Variants in MGAT5 observed in about 807,000 individuals in gnomAD.
MGAT5 encodes alpha-1,6-mannosylglycoprotein 6-beta-N-acetylglucosaminyltransferase A.
A neutral mutation model predicts 94.3 loss-of-function variants in MGAT5; 30 were observed. The ratio of observed to expected loss-of-function variants is 0.32; its 90% CI spans 0.24 to 0.43. The LOEUF (loss-of-function observed/expected upper bound fraction) is 0.43. Among genes scored for constraint, MGAT5 ranks in the 20% least tolerant of loss-of-function variants. MGAT5 has a pLI of 1.00. For synonymous variants in MGAT5, 310 were observed against 322.9 expected (o/e 0.96, Z 0.43); for missense variants, 691 against 905.5 (o/e 0.76, Z 3.04).
intron 1 of MGAT5, among the ~76,000 whole-genome samples, chr2:134,207,895 C>A (rs1267292397): frequency 5.3e-5 from 8 of 152,200 alleles, no homozygotes; most frequent in South Asian, 4.1e-4. Context: ...ACTCTGATAC[C>A]TTGTTGGTTT....
chr2:134,253,473 A>T (rs78138130), upstream of MGAT5, among the ~76,000 whole-genome samples: 1,972 of 152,314 alleles, frequency 0.013, 20 homozygotes, highest in East Asian at 0.028. Flanking sequence ...TGGCTGCATT[A>T]ATATTGAAAC....
intron 15 of MGAT5, among the ~76,000 whole-genome samples, chr2:134,442,178 G>C (rs1452317730): frequency 6.6e-6 from 1 of 152,172 alleles, no homozygotes; most frequent in Non-Finnish European, 1.5e-5. Flanking sequence ...AAATAAAGCT[G>C]TATCTGGGTT....
At chr2:134,436,710 C>T (rs1200425599) in intron 14 of MGAT5, among the ~76,000 whole-genome samples, 1 of 152,172 alleles carries the variant, frequency 6.6e-6, no homozygotes, top group African/African-American at 2.4e-5. Flanking sequence ...CTACGGGGCA[C>T]AGGCAGCTCT....
intron 10 of MGAT5, among the ~76,000 whole-genome samples, chr2:134,388,144 AAAAG>A (rs1211560663): frequency 2.6e-5 from 4 of 152,214 alleles, no homozygotes; most frequent in African/African-American, 9.6e-5. Flanking sequence ...AGGACAATGA[AAAAG>A]AAAGTGTTCT....
At chr2:134,372,735 C>T (rs988237067) in intron 10 of MGAT5, among the ~76,000 whole-genome samples, 2 of 152,202 alleles carry the variant, frequency 1.3e-5, no homozygotes, top group Non-Finnish European at 2.9e-5. Context: ...TTCTTGGTGC[C>T]CCCGCATGAA....
chr2:134,448,132 C>T (rs979307190), intron 15 of MGAT5, among the ~76,000 whole-genome samples: 13 of 152,254 alleles, frequency 8.5e-5, no homozygotes, highest in African/African-American at 2.9e-4. Flanking sequence ...ACTCTCACTT[C>T]TTGGAAGCAG....
At chr2:134,129,324 G>A (rs1471634349) in intron 1 of MGAT5, among the ~76,000 whole-genome samples, 2 of 152,162 alleles carry the variant, frequency 1.3e-5, no homozygotes, top group East Asian at 3.9e-4. Context: ...CTGCTTTTCA[G>A]GATTGATGTG....
chr2:134,290,956 C>T (rs981683885), intron 2 of MGAT5, among the ~76,000 whole-genome samples: 3 of 152,084 alleles, frequency 2.0e-5, no homozygotes, highest in African/African-American at 7.2e-5. Context: ...GTGCCAGAAA[C>T]GTAATGCAAA....
rs1347862239 is a variant in MGAT5, at chr2:134,291,032, CAGTTTACATGTAATGTCA to C, written c.406+20485_406+20502del. ...TCTAGCAAAGGAGACTGGCCATAGA[CAGTTTACATGTAATGTCA>C]AGGAGTGAGAAATCTTATTTAGAAA... On this transcript the variant is annotated intron_variant, in intron 2 of 15. Coordinates refer to ENST00000281923, the MANE Select transcript of MGAT5 (RefSeq NM_002410.5). 3.3e-5 allele frequency among the ~76,000 whole-genome samples: 5 copies of C among 152,242 alleles called. No homozygotes were observed. The East Asian group carries it at 9.6e-4, about 29-fold the overall frequency.
chr2:134,340,934 A>G (rs1688590087), intron 6 of MGAT5, among the ~76,000 whole-genome samples: 1 of 152,336 alleles, frequency 6.6e-6, no homozygotes, highest in Non-Finnish European at 1.5e-5. Flanking sequence ...TTGAAGAAGT[A>G]TGAATATTAA....
intron 10 of MGAT5, among the ~76,000 whole-genome samples, chr2:134,395,431 G>A (rs1682650229): frequency 6.6e-6 from 1 of 152,202 alleles, no homozygotes; most frequent in African/African-American, 2.4e-5. Context: ...TGTAGAGTGG[G>A]CATAAGCATT....
At position 134,168,802 on chromosome 2, in the gene MGAT5, G is replaced by T. The variant is rs546512340; in HGVS notation, c.-143+48511G>T. ...GATGTTCTCAGCCACCTTTGTCTTAGATGTGGAAAAAGATAGGGAAATCCG... is the reference window on the plus strand; with the variant it reads ...GATGTTCTCAGCCACCTTTGTCTTATATGTGGAAAAAGATAGGGAAATCCG... On this transcript the variant is annotated intron_variant, in intron 1 of 16. Coordinates refer to the MGAT5 transcript ENST00000409645. 3.3e-5 allele frequency among the ~76,000 whole-genome samples: 5 copies of T among 152,324 alleles called. No homozygotes were observed. In the East Asian group the frequency reaches 9.6e-4, roughly 29 times the overall value.
At chr2:134,319,635 A>T in intron 4 of MGAT5, 1 of 237,484 alleles carries the variant, frequency 4.2e-6, no homozygotes, top group South Asian at 4.3e-5. Context: ...AAAACCTGGG[A>T]ATGTGGGTAG....
intron 12 of MGAT5, among the ~76,000 whole-genome samples, chr2:134,422,004 CAA>C (rs34234717): frequency 0.087 from 11,118 of 128,516 alleles, 508 homozygotes; most frequent in South Asian, 0.17. Flanking sequence ...CGTGTGTATA[CAA>C]AAAAAAAAAA....
chr2:134,358,582 G>C (rs1679896190), intron 9 of MGAT5, among the ~76,000 whole-genome samples: 1 of 152,168 alleles, frequency 6.6e-6, no homozygotes, highest in Admixed American at 6.5e-5. Context: ...GCTAAGGAAT[G>C]GGCCCAGGCT....
chr2:134,203,617 A>G (rs1679898997), intron 1 of MGAT5, among the ~76,000 whole-genome samples: 1 of 152,100 alleles, frequency 6.6e-6, no homozygotes, highest in Non-Finnish European at 1.5e-5. Flanking sequence ...TCGGGTCTCC[A>G]TACACAACTC....
intron 1 of MGAT5, among the ~76,000 whole-genome samples, chr2:134,152,341 C>T (rs1342817962): frequency 7.4e-6 from 1 of 135,508 alleles, no homozygotes; most frequent in African/African-American, 2.8e-5. Context: ...CCGCCCACCG[C>T]CATGGGACCT....
chr2:134,128,603 G>A (rs1309726255), intron 1 of MGAT5, among the ~76,000 whole-genome samples: 1 of 151,894 alleles, frequency 6.6e-6, no homozygotes, highest in Non-Finnish European at 1.5e-5. Context: ...CTGTCACCCA[G>A]GCTAGAGTGC....
At chr2:134,443,104 C>G (rs571259706) in intron 15 of MGAT5, among the ~76,000 whole-genome samples, 1 of 152,126 alleles carries the variant, frequency 6.6e-6, no homozygotes, top group Non-Finnish European at 1.5e-5. Context: ...TAAAACCCTT[C>G]GTAGGGAGAG....
Sources: allele counts gnomAD v4.1 joint callset (sites outside exome capture counted in the v4.1 genomes callset), GRCh38; gene constraint gnomAD v4.1.1; transcripts MANE v1.5; gene names NCBI Gene and HGNC (gene_info 2026-07-23, HGNC 2026-07-21).